The following FRMD3 variants were observed in gnomAD, a reference collection of about 807,000 sequenced individuals.
FRMD3 encodes FERM domain containing 3.
FRMD3 carries 33 observed loss-of-function variants against 70.2 expected under a neutral mutation model. The ratio of observed to expected loss-of-function variants is 0.47; its 90% CI spans 0.36 to 0.63. The LOEUF is 0.63. Among genes scored for constraint, FRMD3 ranks in the 20% least tolerant of loss-of-function variants. FRMD3 has a pLI of 0.00. For synonymous variants in FRMD3, 279 were observed against 255.9 expected, an observed-to-expected ratio of 1.09 and a Z score of -0.86; for missense variants, 632 against 711.4, an observed-to-expected ratio of 0.89 and a Z score of 1.27.
intron 6 of FRMD3, among the ~76,000 whole-genome samples, chr9:83,334,942 A>G (rs1206241566): frequency 6.6e-6 from 1 of 152,208 alleles, no homozygotes; most frequent in African/African-American, 2.4e-5. Flanking sequence ...AGATTAAACG[A>G]GTTAATATGT....
intron 1 of FRMD3, among the ~76,000 whole-genome samples, chr9:83,408,877 C>T (rs1826200316): frequency 6.6e-6 from 1 of 152,078 alleles, no homozygotes; most frequent in Non-Finnish European, 1.5e-5. Context: ...GTGGGGAGAC[C>T]ACACACAGCT....
At chr9:83,346,021 C>T (rs112884733) in intron 4 of FRMD3, among the ~76,000 whole-genome samples, 16,830 of 151,894 alleles carry the variant, frequency 0.11, 1,071 homozygotes, top group African/African-American at 0.16. Flanking sequence ...TTTGGGAGGC[C>T]GAGGCAGGCG....
chr9:83,403,018 C>T (rs1825996661), intron 1 of FRMD3, among the ~76,000 whole-genome samples: 1 of 147,276 alleles, frequency 6.8e-6, no homozygotes, highest in East Asian at 2.1e-4. Context: ...ATTCTCCTGT[C>T]TTAGCCTCCT....
rs1322047125 is a variant in FRMD3 at position 83,310,524 on chromosome 9, A to C, written c.798T>G (p.Phe266Leu). ...IKWPDVCKLKFEGKTFYVIGT... is the reference protein window; with the variant it reads ...IKWPDVCKLKLEGKTFYVIGT... ...CAATCACATAAAATGTCTTCCCTTC[A>C]AACTTCAATTTGCAGACATCTGGCC... Residue 266 changes from phenylalanine (F) to leucine (L), a missense_variant, in exon 9 of 14, where the codon TTT (phenylalanine) becomes TTG (leucine). By Grantham distance (22) the Phe-to-Leu change is conservative (BLOSUM62 0). Transcript: ENST00000304195. The C allele has an allele frequency of 1.2e-6, 2 of 1,602,852 alleles. No individual in the cohort carries two copies. The highest frequency in any genetic ancestry group is 3.5e-5 in the Admixed American group (2 of 56,442).
chr9:83,476,067 G>A (rs549329396), intron 1 of FRMD3, among the ~76,000 whole-genome samples: 21 of 152,184 alleles, frequency 1.4e-4, no homozygotes, highest in African/African-American at 4.1e-4. Flanking sequence ...TCCTTGGGCC[G>A]ACAATAGTAA....
At chr9:83,552,782 T>C in the FRMD3 span, among the ~76,000 whole-genome samples, 1 of 152,164 alleles carries the variant, frequency 6.6e-6, no homozygotes, top group Non-Finnish European at 1.5e-5. Context: ...TTTTCTGAAA[T>C]AAGGATTGCA....
At chr9:83,467,732 G>A in intron 1 of FRMD3, 1 of 1,522,464 alleles carries the variant, frequency 6.6e-7, no homozygotes, top group Non-Finnish European at 8.8e-7. Context: ...GTCTCTGGGA[G>A]CTCTAGGGCT....
rs59178344 is a variant in FRMD3, at chr9:83,517,494, CAAAAAAAAAAAAA to C, written c.147+20578_147+20590del. The stretch of plus-strand genomic sequence containing the variant: ...GGCAGTAACTAATAGCCTACCAATC[CAAAAAAAAAAAAA>C]AAAAAAAAAAACAACCTAGGACCGA... On this transcript the variant is annotated intron_variant, in intron 1 of 13. Transcript: ENST00000304195. Among the ~76,000 whole-genome samples the C allele has an allele frequency of 6.6e-4, 43 of 65,546 alleles. 1 individual carries two copies. Among genetic ancestry groups the C allele is most frequent in the African/African-American group, 2.7e-3 (41 of 15,152 alleles). The allele number at this position is 65,546 out of a possible 152,430, so 43.0% of individuals were successfully genotyped here. A position where few individuals can be genotyped will look rare whatever the true frequency, so the allele number is the denominator to read the frequency against.
chr9:83,484,544 A>G lies in FRMD3; in HGVS notation c.147+53541T>C, dbSNP rs187739847. On this transcript the variant is annotated intron_variant, in intron 1 of 13. Transcript: ENST00000304195. Reference sequence around the variant, plus strand: ...GCCATTCTCGTGCCTCAGCCTCTCAAGTAGCTGGGATTACAGGCCCACGCC... The same window carrying G: ...GCCATTCTCGTGCCTCAGCCTCTCAGGTAGCTGGGATTACAGGCCCACGCC... Among the ~76,000 whole-genome samples, 11 of 152,156 alleles carry G rather than the reference A, an allele frequency of 7.2e-5. 1 individual carries two copies. Among genetic ancestry groups the G allele is most frequent in the Non-Finnish European group, 1.5e-4 (10 of 67,988 alleles).
At chr9:83,439,218 G>A (rs1003769196) in intron 1 of FRMD3, among the ~76,000 whole-genome samples, 1 of 152,214 alleles carries the variant, frequency 6.6e-6, no homozygotes, top group Non-Finnish European at 1.5e-5. Flanking sequence ...AACATTTAAT[G>A]TCCATAAATG....
intron 1 of FRMD3, among the ~76,000 whole-genome samples, chr9:83,487,519 A>G (rs1180035986): frequency 1.3e-5 from 2 of 152,218 alleles, no homozygotes; most frequent in Non-Finnish European, 2.9e-5. Flanking sequence ...CAGATCTCCA[A>G]GATACTGCTA....
At chr9:83,322,551 A>C (rs1463487777) in intron 6 of FRMD3, among the ~76,000 whole-genome samples, 2 of 152,140 alleles carry the variant, frequency 1.3e-5, no homozygotes, top group Non-Finnish European at 2.9e-5. Context: ...CTAGGCTCTC[A>C]AAATGTTGCC....
At chr9:83,412,027 T>C (rs917008169) in intron 1 of FRMD3, among the ~76,000 whole-genome samples, 2 of 152,234 alleles carry the variant, frequency 1.3e-5, no homozygotes, top group Non-Finnish European at 2.9e-5. Flanking sequence ...AGACAAACCA[T>C]CCATCCCTTT....
intron 1 of FRMD3, among the ~76,000 whole-genome samples, chr9:83,393,504 C>A (rs1189054049): frequency 6.6e-6 from 1 of 151,786 alleles, no homozygotes; most frequent in Non-Finnish European, 1.5e-5. Flanking sequence ...CACTTTATTT[C>A]TATTATTATT....
intron 1 of FRMD3, among the ~76,000 whole-genome samples, chr9:83,441,868 C>A (rs1473259023): frequency 1.5e-5 from 2 of 134,764 alleles, no homozygotes; most frequent in Non-Finnish European, 1.7e-5. Context: ...TTCCTTGAAA[C>A]TGCCAAAAAA....
intron 1 of FRMD3, among the ~76,000 whole-genome samples, chr9:83,515,696 A>G (rs1296504133): frequency 1.3e-5 from 2 of 152,236 alleles, no homozygotes; most frequent in African/African-American, 4.8e-5. Context: ...AATAAAGGAA[A>G]AAATGTTAAG....
chr9:83,281,727 C>CCGGTGGGAAGT (rs1833977549), intron 13 of FRMD3: 3 of 152,324 alleles, frequency 2.0e-5, no homozygotes, highest in Admixed American at 6.5e-5. Flanking sequence ...GAGCGAGCTT[C>CCGGTGGGAAGT]CTGTGGGAAG....
intron 1 of FRMD3, among the ~76,000 whole-genome samples, chr9:83,519,219 G>A (rs1829518719): frequency 6.6e-6 from 1 of 152,044 alleles, no homozygotes; most frequent in Non-Finnish European, 1.5e-5. Context: ...TACAGAATGG[G>A]AGAAAATTTT....
chr9:83,499,600 T>C (rs1427977668), intron 1 of FRMD3, among the ~76,000 whole-genome samples: 2 of 152,142 alleles, frequency 1.3e-5, no homozygotes, highest in Non-Finnish European at 2.9e-5. Context: ...TGAGATACCA[T>C]TTTACACCAT....
Sources: allele counts gnomAD v4.1 joint callset (sites outside exome capture counted in the v4.1 genomes callset), GRCh38; gene constraint gnomAD v4.1.1; transcripts MANE v1.5; gene names NCBI Gene and HGNC (gene_info 2026-07-23, HGNC 2026-07-21).